The following GLRA2 variants were observed in gnomAD, a reference collection of about 807,000 sequenced individuals.
GLRA2 encodes the protein glycine receptor alpha 2, also known as glycine receptor subunit alpha-2.
In GLRA2, 11 loss-of-function variants were observed where a neutral mutation model predicts 31.6. That is an observed-to-expected ratio of 0.35 (90% CI 0.22 to 0.58). The LOEUF (loss-of-function observed/expected upper bound fraction) is 0.58, where lower values mean the gene tolerates loss of function less well. GLRA2 is among the 20% of genes least tolerant of loss of function. The pLI is 0.84. For missense variants in GLRA2, 212 were observed against 351.8 expected (o/e 0.60, Z 3.18); for synonymous variants, 132 against 134.0 (o/e 0.99, Z 0.10).
intron 2 of GLRA2, among the ~76,000 whole-genome samples, chrX:14,535,107 G>A (rs1379140727): frequency 9.0e-6 from 1 of 111,209 alleles, no homozygotes; most frequent in Admixed American, 9.6e-5. Context: ...TTAAAATAAC[G>A]GTGACTGTTA....
At chrX:14,540,142 T>C (rs2089381820) in intron 2 of GLRA2, among the ~76,000 whole-genome samples, 2 of 111,718 alleles carry the variant, frequency 1.8e-5, no homozygotes, top group African/African-American at 6.5e-5. Flanking sequence ...AAATAAAAAC[T>C]GGAATATAAT....
intron 4 of GLRA2, among the ~76,000 whole-genome samples, chrX:14,593,258 C>T (rs2090163984): frequency 1.0e-5 from 1 of 100,043 alleles, no homozygotes; most frequent in East Asian, 2.8e-4. Flanking sequence ...CAACAAGTTT[C>T]TTCTCGCTTG....
chrX:14,517,362 C>T, the GLRA2 span, among the ~76,000 whole-genome samples: 1 of 111,844 alleles, frequency 8.9e-6, no homozygotes, highest in Non-Finnish European at 1.9e-5. Flanking sequence ...TAAAGAACTG[C>T]CCAAGACTGG....
intron 4 of GLRA2, among the ~76,000 whole-genome samples, chrX:14,587,574 A>G (rs2090093978): frequency 8.9e-6 from 1 of 111,848 alleles, no homozygotes; most frequent in South Asian, 3.7e-4. Context: ...TTTGTTGACC[A>G]TGTGTATGTC....
intron 7 of GLRA2, among the ~76,000 whole-genome samples, chrX:14,610,996 G>A (rs775703206): frequency 1.8e-5 from 2 of 112,202 alleles, no homozygotes; most frequent in Non-Finnish European, 3.8e-5. Flanking sequence ...TGAACTCATG[G>A]TGGTTATCCT....
intron 7 of GLRA2, among the ~76,000 whole-genome samples, chrX:14,611,098 C>T (rs960952080): frequency 1.8e-5 from 2 of 112,417 alleles, no homozygotes; most frequent in Non-Finnish European, 3.8e-5. Context: ...GGAAATGTAA[C>T]TTATGTGGAT....
At chrX:14,656,820 A>G (rs1029890624) in intron 7 of GLRA2, among the ~76,000 whole-genome samples, 1 of 112,360 alleles carries the variant, frequency 8.9e-6, no homozygotes, top group Non-Finnish European at 1.9e-5. Flanking sequence ...AGCAGGATAG[A>G]GGCATAGGTA....
chrX:14,448,831 C>T, the GLRA2 span, among the ~76,000 whole-genome samples: 2 of 110,462 alleles, frequency 1.8e-5, no homozygotes, highest in Non-Finnish European at 3.8e-5. Context: ...TCAGCTCACT[C>T]GTGCCTAGAG....
At chrX:14,604,499 A>G (rs1209379070) in intron 5 of GLRA2, 102 bp downstream of exon 5, 10 of 475,129 alleles carry the variant, frequency 2.1e-5, no homozygotes, top group Non-Finnish European at 3.2e-5. Context: ...CTCATTCCCT[A>G]TATACTGACC....
chrX:14,635,747 A>G (rs975010722), intron 7 of GLRA2, among the ~76,000 whole-genome samples: 1 of 112,016 alleles, frequency 8.9e-6, no homozygotes, highest in Non-Finnish European at 1.9e-5. Flanking sequence ...TTTGTTCTTT[A>G]TGTGAATTTA....
chrX:14,496,241 T>C, the GLRA2 span, among the ~76,000 whole-genome samples: 1 of 111,708 alleles, frequency 9.0e-6, no homozygotes, highest in Non-Finnish European at 1.9e-5. Flanking sequence ...CATTTTTATA[T>C]GCTGTTCATC....
At position 14,563,771 on chromosome X, in the gene GLRA2, A is replaced by C. The variant is rs143887664; in HGVS notation, c.203-10562A>C. 9.9e-4 allele frequency among the ~76,000 whole-genome samples: 110 copies of C among 110,894 alleles called. 2 individuals are homozygous for C. In the East Asian group the frequency reaches 0.027, roughly 27 times the overall value. On this transcript the variant is annotated intron_variant, in intron 2 of 8. Transcript: ENST00000218075. ...ATAAAATGAGAATATCAATAAAGAA[A>C]TATAAATTGTAAAAAAAATTCTGTA...
intron 8 of GLRA2, among the ~76,000 whole-genome samples, chrX:14,698,379 A>T (rs1160944668): frequency 1.8e-5 from 2 of 110,336 alleles, no homozygotes; most frequent in East Asian, 2.8e-4. Context: ...TTAATTATTT[A>T]AAAATGTTCA....
At chrX:14,723,403 C>A (rs1335207878) in intron 8 of GLRA2, among the ~76,000 whole-genome samples, 1 of 112,190 alleles carries the variant, frequency 8.9e-6, no homozygotes, top group Non-Finnish European at 1.9e-5. Flanking sequence ...ATTATCATCT[C>A]TCATCTGGAC....
At chrX:14,554,119 C>T (rs758847214) in intron 2 of GLRA2, among the ~76,000 whole-genome samples, 3 of 112,168 alleles carry the variant, frequency 2.7e-5, no homozygotes, top group Non-Finnish European at 3.8e-5. Flanking sequence ...TGCTATGCTA[C>T]GTAAGTGCTG....
chrX:14,450,042 C>A, the GLRA2 span, among the ~76,000 whole-genome samples: 5 of 111,788 alleles, frequency 4.5e-5, no homozygotes, highest in Non-Finnish European at 9.4e-5. Flanking sequence ...GAGCAGAAGG[C>A]TTGGGACAAG....
the GLRA2 span, among the ~76,000 whole-genome samples, chrX:14,515,333 G>A: frequency 9.0e-6 from 1 of 111,711 alleles, no homozygotes; most frequent in Non-Finnish European, 1.9e-5. Flanking sequence ...TTCACGTTCA[G>A]TACAATGTAT....
chrX:14,584,744 C>T (rs150175435), intron 4 of GLRA2, among the ~76,000 whole-genome samples: 147 of 111,757 alleles, frequency 1.3e-3, no homozygotes, highest in African/African-American at 4.6e-3. Context: ...ATAAATTGAT[C>T]GGACCTGAGA....
the GLRA2 span, among the ~76,000 whole-genome samples, chrX:14,508,978 C>T: frequency 1.8e-5 from 2 of 111,481 alleles, no homozygotes; most frequent in Non-Finnish European, 3.8e-5. Context: ...CTAATCTAGG[C>T]CACCCACTCC....
Sources: allele counts gnomAD v4.1 joint callset (sites outside exome capture counted in the v4.1 genomes callset), GRCh38; gene constraint gnomAD v4.1.1; transcripts MANE v1.5; gene names NCBI Gene and HGNC (gene_info 2026-07-23, HGNC 2026-07-21).